FMR1: variants seen among roughly 807,000 people sequenced by gnomAD.
The protein encoded by FMR1 is fragile X messenger ribonucleoprotein 1.
In FMR1, 13 loss-of-function variants were observed where a neutral mutation model predicts 50.6. That is an observed-to-expected ratio of 0.26 (90% CI 0.17 to 0.41). FMR1 has a LOEUF of 0.41. FMR1 is among the 10% of genes least tolerant of loss of function. The pLI, the probability that FMR1 is intolerant of heterozygous loss-of-function variation, is 1.00. For missense variants in FMR1, 316 were observed against 491.3 expected, an observed-to-expected ratio of 0.64 and a Z score of 3.37; for synonymous variants, 138 against 164.1, an observed-to-expected ratio of 0.84 and a Z score of 1.22.
intron 9 of FMR1, among the ~76,000 whole-genome samples, chrX:147,933,052 C>A (rs1282552552): frequency 5.5e-5 from 4 of 73,172 alleles, no homozygotes; most frequent in Non-Finnish European, 7.5e-5. Context: ...CCCCCTCCCC[C>A]CACCCCACAA....
Position 147,912,113 on chromosome X carries a change from G to GCGGCGGCGGCGGCGGAGGCGGC in FMR1, c.-67_-66insCGGCGGCGGCGGCGGAGGCGGC, listed in dbSNP as rs1557173927. 1.3e-6 allele frequency: 1 copy of GCGGCGGCGGCGGCGGAGGCGGC among 789,276 alleles called. No individual in the cohort carries two copies. Among genetic ancestry groups the GCGGCGGCGGCGGCGGAGGCGGC allele is most frequent in the East Asian group, 6.9e-5 (1 of 14,563 alleles). The allele number at this position is 789,276 out of a possible 1,213,427, so 65.0% of individuals were successfully genotyped here. ...GGCGGCGGCGGCGGCGGCGGCGGCT[G>GCGGCGGCGGCGGCGGAGGCGGC]GGCCTCGAGCGCCCGCAGCCCACCT... On this transcript the variant is annotated 5_prime_UTR_variant, in exon 1 of 17. Transcript: ENST00000370475.
Position 147,951,027 on chromosome X carries a change from T to A in FMR1, c.*2183T>A, listed in dbSNP as rs782621753. On this transcript the variant is annotated 3_prime_UTR_variant, in exon 17 of 17. Transcript: ENST00000370475. Reference sequence around the variant, plus strand: ...GTGTATGTTTTTCAGTTCAAAGTCATGATGTTTTTAAAATCTTATTAAAGT... The same window carrying A: ...GTGTATGTTTTTCAGTTCAAAGTCAAGATGTTTTTAAAATCTTATTAAAGT... 1.2e-4 allele frequency: 28 copies of A among 243,050 alleles called. No individual in the cohort carries two copies. Among genetic ancestry groups the A allele is most frequent in the South Asian group, 8.5e-4 (20 of 23,439 alleles). 20.0% of individuals were successfully genotyped at this position (243,050 alleles called of 1,213,427 possible).
At chrX:147,947,708 G>A (rs1381240212) in intron 16 of FMR1, 13 of 107,534 alleles carry the variant, frequency 1.2e-4, no homozygotes, top group Non-Finnish European at 2.5e-4. Context: ...AGACTGTCTG[G>A]GAAAAAAAAA....
chrX:147,948,022 A>C (rs2044236835), intron 16 of FMR1, among the ~76,000 whole-genome samples: 1 of 112,026 alleles, frequency 8.9e-6, no homozygotes, highest in Admixed American at 9.4e-5. Flanking sequence ...CAGTCCTTCC[A>C]CAAATTATTA....
At chrX:147,923,186 G>T (rs1307534776) in intron 2 of FMR1, among the ~76,000 whole-genome samples, 1 of 111,747 alleles carries the variant, frequency 8.9e-6, no homozygotes, top group Non-Finnish European at 1.9e-5. Flanking sequence ...ACACGTGTAG[G>T]GGGACAGAGA....
At chrX:147,928,063 T>C (rs2043452275) in intron 3 of FMR1, 3 of 301,829 alleles carry the variant, frequency 9.9e-6, no homozygotes, top group Non-Finnish European at 1.7e-5. Flanking sequence ...AGAGCACTAA[T>C]TATTGCTGAA....
intron 3 of FMR1, 111 bp downstream of exon 3, chrX:147,925,744 A>G: frequency 3.6e-6 from 2 of 550,870 alleles, no homozygotes; most frequent in Admixed American, 5.3e-5. Flanking sequence ...TTTGAGAATT[A>G]CAGCTGGAAT....
intron 1 of FMR1, among the ~76,000 whole-genome samples, chrX:147,919,535 T>C (rs1313014497): frequency 8.9e-6 from 1 of 112,339 alleles, no homozygotes; most frequent in African/African-American, 3.2e-5. Flanking sequence ...TGAGTAAAAA[T>C]AAGCAAGATC....
rs1180619906 is a variant in FMR1 at position 147,950,729 on chromosome X, A to G, written c.*1885A>G. 6.2e-6 allele frequency: 2 copies of G among 322,485 alleles called. No homozygotes were observed. Among genetic ancestry groups the G allele is most frequent in the Non-Finnish European group, 1.2e-5 (2 of 167,557 alleles). 26.6% of individuals were successfully genotyped at this position (322,485 alleles called of 1,213,427 possible). On this transcript the variant is annotated 3_prime_UTR_variant, in exon 17 of 17. Transcript: ENST00000370475. ...AGAAAGTGTTCTGTTACAAAATGTA[A>G]CTGTTACCATTGGAAATTTCACGTC...
Position 147,938,098 on chromosome X carries a change from G to A in FMR1, c.1126-1G>A, listed in dbSNP as rs199745848. The A allele has an allele frequency of 5.7e-4, 688 of 1,201,875 alleles. 1 individual carries two copies. The highest frequency in any genetic ancestry group is 1.9e-4 in the Non-Finnish European group (170 of 887,468). ...CCCTTGCATTCCTTATACTGCTTTAGGTGTTAGTGGCTTCATCAGTTGTAG... is the reference window on the plus strand; with the variant it reads ...CCCTTGCATTCCTTATACTGCTTTAAGTGTTAGTGGCTTCATCAGTTGTAG... On this transcript the variant is annotated splice_acceptor_variant, in intron 11 of 16. Transcript: ENST00000370475. LOFTEE classifies it high-confidence loss of function.
At chrX:147,933,318 G>T in intron 9 of FMR1, 1 of 433,137 alleles carries the variant, frequency 2.3e-6, no homozygotes, top group Non-Finnish European at 3.6e-6. Flanking sequence ...ATGATATTTG[G>T]GGACTTTATG....
At chrX:147,920,596 A>G (rs1031933317) in intron 1 of FMR1, among the ~76,000 whole-genome samples, 7 of 112,115 alleles carry the variant, frequency 6.2e-5, no homozygotes, top group South Asian at 3.7e-4. Context: ...CTGAGTTCAT[A>G]CTAGACACTC....
At chrX:147,921,460 C>T (rs1052181968) in intron 1 of FMR1, among the ~76,000 whole-genome samples, 48 of 107,276 alleles carry the variant, frequency 4.5e-4, no homozygotes, top group Non-Finnish European at 6.7e-4. Flanking sequence ...TTTGTGTGTG[C>T]GTATATATAT....
intron 1 of FMR1, chrX:147,913,266 A>G (rs1416249399): frequency 1.8e-5 from 2 of 112,543 alleles, no homozygotes; most frequent in Non-Finnish European, 3.7e-5. Flanking sequence ...TTGCAGATCA[A>G]CTAACACCTT....
chrX:147,928,575 T>G (rs1456118286), intron 4 of FMR1, 84 bp from the exon 5 acceptor site: 1 of 932,513 alleles, frequency 1.1e-6, no homozygotes, highest in African/African-American at 2.0e-5. Context: ...CATAGATTAT[T>G]TATTTTAAAA....
intron 10 of FMR1, 145 bp from the exon 11 acceptor site, chrX:147,937,321 T>G: frequency 6.5e-6 from 3 of 460,573 alleles, no homozygotes; most frequent in Non-Finnish European, 1.2e-5. Context: ...CTGCGTACAA[T>G]TTGTATTCGG....
intron 16 of FMR1, among the ~76,000 whole-genome samples, chrX:147,948,051 C>T (rs181643710): frequency 8.9e-6 from 1 of 112,134 alleles, no homozygotes; most frequent in African/African-American, 3.2e-5. Flanking sequence ...TTTCTTTATA[C>T]TGTTCCATTC....
chrX:147,940,322 G>A (rs1028728759), intron 12 of FMR1: 11 of 348,756 alleles, frequency 3.2e-5, no homozygotes, highest in African/African-American at 2.6e-4. Flanking sequence ...TTGTGATTTT[G>A]CTGATACTGA....
At chrX:147,915,890 T>C (rs897094688) in intron 1 of FMR1, among the ~76,000 whole-genome samples, 1 of 112,351 alleles carries the variant, frequency 8.9e-6, no homozygotes, top group Non-Finnish European at 1.9e-5. Context: ...TGATGAAATT[T>C]AGCTTGAAGA....
Sources: gnomAD v4.1 joint callset for allele counts (sites outside exome capture counted in the v4.1 genomes callset) on GRCh38, gnomAD v4.1.1 for gene constraint, MANE v1.5 for transcripts, NCBI Gene and HGNC (gene_info 2026-07-23, HGNC 2026-07-21) for gene names.